TMEM132D: variants seen among roughly 807,000 people sequenced by gnomAD.
TMEM132D encodes transmembrane protein 132D.
In TMEM132D, 21 loss-of-function variants were observed where a neutral mutation model predicts 62.3. The ratio of observed to expected loss-of-function variants is 0.34; its 90% CI spans 0.24 to 0.49. TMEM132D has a LOEUF of 0.49. Among genes scored for constraint, TMEM132D ranks in the 20% least tolerant of loss-of-function variants. TMEM132D has a pLI of 0.99. For synonymous variants in TMEM132D, 621 were observed against 575.6 expected (o/e 1.08, Z -1.13); for missense variants, 1,346 against 1,402.8 (o/e 0.96, Z 0.65).
At chr12:129,408,313 T>C (rs372027158) in intron 3 of TMEM132D, among the ~76,000 whole-genome samples, 5 of 152,240 alleles carry the variant, frequency 3.3e-5, no homozygotes, top group East Asian at 1.9e-4. Flanking sequence ...TATTTTGTTA[T>C]TTTTCTGAAA....
At chr12:129,495,859 C>G (rs1165546297) in intron 3 of TMEM132D, among the ~76,000 whole-genome samples, 1 of 152,166 alleles carries the variant, frequency 6.6e-6, no homozygotes, top group Non-Finnish European at 1.5e-5. Flanking sequence ...GTGTCCCACT[C>G]TGCTGTAGGA....
At chr12:129,414,569 G>A (rs1047357416) in intron 3 of TMEM132D, among the ~76,000 whole-genome samples, 1 of 152,202 alleles carries the variant, frequency 6.6e-6, no homozygotes, top group South Asian at 2.1e-4. Flanking sequence ...TGTGCTGATA[G>A]ACACATATGT....
intron 5 of TMEM132D, among the ~76,000 whole-genome samples, chr12:129,136,563 C>G (rs1355894961): frequency 6.6e-6 from 1 of 152,208 alleles, no homozygotes; most frequent in African/African-American, 2.4e-5. Context: ...ACTACTTTAA[C>G]AACACTATTT....
intron 4 of TMEM132D, among the ~76,000 whole-genome samples, chr12:129,335,298 A>C (rs1439065811): frequency 1.3e-5 from 2 of 151,344 alleles, no homozygotes; most frequent in Admixed American, 6.6e-5. Context: ...CACCTGGCTA[A>C]GTTTTGTAGT....
At chr12:129,199,704 G>A (rs746223486) in intron 5 of TMEM132D, among the ~76,000 whole-genome samples, 3 of 152,090 alleles carry the variant, frequency 2.0e-5, no homozygotes, top group Non-Finnish European at 4.4e-5. Context: ...TGTAGGAGGA[G>A]CAAAGGCATG....
chr12:129,652,499 G>C (rs146591586), intron 2 of TMEM132D, among the ~76,000 whole-genome samples: 1 of 152,132 alleles, frequency 6.6e-6, no homozygotes, highest in Non-Finnish European at 1.5e-5. Flanking sequence ...TTTTCTGAGC[G>C]GGCCTAATGA....
rs1870594480 is a variant in TMEM132D, at chr12:129,371,365, T to C, written c.1116-33548A>G. On this transcript the variant is annotated intron_variant, in intron 3 of 8. Coordinates refer to ENST00000422113, the MANE Select transcript of TMEM132D (RefSeq NM_133448.3). The surrounding 1 kb of genome is among the most constrained non-coding windows in gnomAD (Gnocchi z 4.3). The stretch of plus-strand genomic sequence containing the variant: ...ATTATAATGATGGTGACAATAATGA[T>C]GTGATGATGGTGATGATGAATGATG... Among the ~76,000 whole-genome samples, 1 of 151,624 alleles carries C rather than the reference T, an allele frequency of 6.6e-6. No individual in the cohort carries two copies. Among genetic ancestry groups the C allele is most frequent in the Non-Finnish European group, 1.5e-5 (1 of 67,896 alleles).
At chr12:129,258,155 A>G (rs10847821) in intron 4 of TMEM132D, among the ~76,000 whole-genome samples, 17,892 of 152,202 alleles carry the variant, frequency 0.12, 1,561 homozygotes, top group East Asian at 0.41. Flanking sequence ...TGGGCAAGTT[A>G]TTTAAATGCC....
chr12:129,777,977 C>CAA (rs552286618), intron 1 of TMEM132D, among the ~76,000 whole-genome samples: 2 of 149,148 alleles, frequency 1.3e-5, no homozygotes, highest in Non-Finnish European at 3.0e-5. Flanking sequence ...AAAATAAAAA[C>CAA]AAAAAAAAAT....
At chr12:129,849,759 A>G (rs904151703) in intron 1 of TMEM132D, among the ~76,000 whole-genome samples, 20 of 152,198 alleles carry the variant, frequency 1.3e-4, no homozygotes, top group Non-Finnish European at 2.6e-4. Context: ...TGAATCTTAC[A>G]ACAGTCCTAT....
At chr12:129,650,320 A>C (rs1479709652) in intron 2 of TMEM132D, among the ~76,000 whole-genome samples, 2 of 152,210 alleles carry the variant, frequency 1.3e-5, no homozygotes, top group Admixed American at 6.5e-5. Flanking sequence ...CATAGAATAC[A>C]TATGGAATGA....
rs538565621 is a variant in TMEM132D at position 129,758,458 on chromosome 12, C to A, written c.80-57760G>T. Reference sequence around the variant, plus strand: ...AATTAAAATTAATTATTAATGTGAACCCTTCTAGCATGTTGTCTGTTGTTT... The same window carrying A: ...AATTAAAATTAATTATTAATGTGAAACCTTCTAGCATGTTGTCTGTTGTTT... On this transcript the variant is annotated intron_variant, in intron 1 of 8. Coordinates refer to ENST00000422113, the MANE Select transcript of TMEM132D (RefSeq NM_133448.3). 2.7e-3 allele frequency among the ~76,000 whole-genome samples: 411 copies of A among 152,296 alleles called. 4 individuals are homozygous for A. The highest frequency in any genetic ancestry group is 9.4e-3 in the African/African-American group (389 of 41,554).
At chr12:129,577,178 A>G (rs1877688207) in intron 2 of TMEM132D, among the ~76,000 whole-genome samples, 1 of 151,818 alleles carries the variant, frequency 6.6e-6, no homozygotes, top group African/African-American at 2.4e-5. Context: ...TGTGATATGC[A>G]ATTTACTGGA....
At chr12:129,524,771 T>C (rs1875962624) in intron 3 of TMEM132D, among the ~76,000 whole-genome samples, 1 of 151,706 alleles carries the variant, frequency 6.6e-6, no homozygotes, top group South Asian at 2.1e-4. Flanking sequence ...AAGAGTTCTC[T>C]GTTCTTCCGG....
At chr12:129,573,795 C>T (rs1565908529) in intron 2 of TMEM132D, among the ~76,000 whole-genome samples, 1 of 149,562 alleles carries the variant, frequency 6.7e-6, no homozygotes, top group East Asian at 1.9e-4. Flanking sequence ...CATGCAACTA[C>T]ATGGATGAGT....
intron 2 of TMEM132D, among the ~76,000 whole-genome samples, chr12:129,641,432 A>G (rs1005209046): frequency 6.6e-6 from 1 of 152,190 alleles, no homozygotes; most frequent in African/African-American, 2.4e-5. Context: ...AAAGGCCCTC[A>G]CTAAATACCG....
At chr12:129,690,948 G>A (rs1446301242) in intron 2 of TMEM132D, among the ~76,000 whole-genome samples, 2 of 152,180 alleles carry the variant, frequency 1.3e-5, no homozygotes, top group African/African-American at 4.8e-5. Flanking sequence ...TCTGTGCCAT[G>A]TAGCCTTATA....
intron 5 of TMEM132D, among the ~76,000 whole-genome samples, chr12:129,195,902 G>T (rs1296147481): frequency 6.6e-6 from 1 of 152,176 alleles, no homozygotes; most frequent in Non-Finnish European, 1.5e-5. Context: ...CAAGATGGGC[G>T]GGTCACTTGA....
At chr12:129,304,612 T>G (rs894060280) in intron 4 of TMEM132D, among the ~76,000 whole-genome samples, 1 of 150,320 alleles carries the variant, frequency 6.7e-6, no homozygotes, top group African/African-American at 2.4e-5. Flanking sequence ...TACGGCGGCA[T>G]CTTGCAAAAG....
Sources: gnomAD v4.1 joint callset for allele counts (sites outside exome capture counted in the v4.1 genomes callset) on GRCh38, gnomAD v4.1.1 for gene constraint, Gnocchi (gnomAD v3.1) non-coding constraint, MANE v1.5 for transcripts, NCBI Gene and HGNC (gene_info 2026-07-23, HGNC 2026-07-21) for gene names.